The following ATAD2B variants were observed in gnomAD, a reference collection of about 807,000 sequenced individuals.
ATAD2B encodes the protein ATPase family AAA domain containing 2B.
ATAD2B carries 40 observed loss-of-function variants against 167.6 expected under a neutral mutation model. The observed-to-expected ratio is 0.24, with a 90% CI of 0.19 to 0.31. The LOEUF (loss-of-function observed/expected upper bound fraction) is 0.31. ATAD2B is among the 10% of genes least tolerant of loss of function. The pLI is 1.00. For missense variants in ATAD2B, 1,242 were observed against 1,757.2 expected (o/e 0.71, Z 5.24); for synonymous variants, 579 against 596.5 (o/e 0.97, Z 0.43).
At chr2:23,858,622 T>C (rs1326177854) in intron 12 of ATAD2B, among the ~76,000 whole-genome samples, 1 of 151,732 alleles carries the variant, frequency 6.6e-6, no homozygotes, top group East Asian at 1.9e-4. Flanking sequence ...TACCTGGGAC[T>C]ACAGGCAGGG....
intron 26 of ATAD2B, among the ~76,000 whole-genome samples, 167 bp downstream of exon 26, chr2:23,754,480 C>G (rs1300975560): frequency 2.0e-5 from 3 of 152,102 alleles, no homozygotes; most frequent in Non-Finnish European, 4.4e-5. Flanking sequence ...GGACTACTCC[C>G]GTATCTTTCA....
intron 1 of ATAD2B, among the ~76,000 whole-genome samples, chr2:23,909,730 A>G (rs1304680748): frequency 1.3e-5 from 2 of 152,112 alleles, no homozygotes; most frequent in Non-Finnish European, 2.9e-5. Context: ...TGAAATATTT[A>G]TTTCATCATA....
chr2:23,883,456 CATT>C, intron 6 of ATAD2B: 1 of 248,328 alleles, frequency 4.0e-6, no homozygotes, highest in Non-Finnish European at 8.0e-6. Context: ...ATATCCAAAA[CATT>C]ACTTTTTGAA....
rs1166937405 is a variant in ATAD2B, at chr2:23,798,273, G to A, written c.2505C>T (p.His835=). The A allele has an allele frequency of 1.2e-6, 2 of 1,613,038 alleles. No homozygotes were observed. Among genetic ancestry groups the A allele is most frequent in the South Asian group, 1.1e-5 (1 of 90,988 alleles). ...TGACAGCTTCCCACCAATCCCCAAT[G>A]TGAGGCATGTAAACAATACTAGGTA... is the stretch of plus-strand genomic sequence containing the variant. ...RTVPSIVYMP[H]IGDWWEAVSE... Residue 835 remains histidine, a synonymous_variant, in exon 19 of 28, where the codon CAC becomes CAT. Coordinates refer to ENST00000238789, the MANE Select transcript of ATAD2B (RefSeq NM_017552.4).
At chr2:23,687,804 G>A in the ATAD2B span, among the ~76,000 whole-genome samples, 3 of 152,182 alleles carry the variant, frequency 2.0e-5, no homozygotes, top group African/African-American at 7.2e-5. Flanking sequence ...TGCAGGGCCG[G>A]GTATGAGGGT....
the ATAD2B span, among the ~76,000 whole-genome samples, chr2:23,729,012 G>A: frequency 6.6e-6 from 1 of 152,146 alleles, no homozygotes; most frequent in African/African-American, 2.4e-5. Flanking sequence ...GGCAGGAGCA[G>A]GAGGAAGAGA....
intron 18 of ATAD2B, among the ~76,000 whole-genome samples, chr2:23,808,652 G>GT (rs1417341129): frequency 1.3e-5 from 2 of 152,080 alleles, no homozygotes; most frequent in Non-Finnish European, 2.9e-5. Flanking sequence ...AGTTGACACT[G>GT]TAAGTTTTCC....
intron 13 of ATAD2B, among the ~76,000 whole-genome samples, chr2:23,835,110 G>C (rs1689714594): frequency 6.6e-6 from 1 of 152,136 alleles, no homozygotes; most frequent in African/African-American, 2.4e-5. Flanking sequence ...TGATGGGTGG[G>C]AATGTAAAAT....
chr2:23,816,558 G>T (rs1686484132), intron 17 of ATAD2B, among the ~76,000 whole-genome samples: 1 of 152,160 alleles, frequency 6.6e-6, no homozygotes. Flanking sequence ...ATATAATCCA[G>T]ATAATGTATG....
chr2:23,890,164 G>T (rs1196234867), intron 2 of ATAD2B, among the ~76,000 whole-genome samples: 1 of 151,966 alleles, frequency 6.6e-6, no homozygotes, highest in African/African-American at 2.4e-5. Flanking sequence ...ACAGTGAGCC[G>T]AGATCGCGCC....
chr2:23,911,606 CGGGGAG>C (rs1248061572), intron 1 of ATAD2B, among the ~76,000 whole-genome samples: 2 of 111,706 alleles, frequency 1.8e-5, no homozygotes, highest in South Asian at 3.3e-4. Flanking sequence ...AGGAAGGGGA[CGGGGAG>C]GGGGAGGGGG....
Position 23,788,566 on chromosome 2 carries a change from GA to G in ATAD2B, c.2721del (p.Gln908LysfsTer3), listed in dbSNP as rs1681169490. 6.2e-7 allele frequency: 1 copy of G among 1,612,788 alleles called. No homozygotes were observed. On this transcript the variant is annotated frameshift_variant, in exon 20 of 28. Coordinates refer to ENST00000238789, the MANE Select transcript of ATAD2B (RefSeq NM_017552.4). LOFTEE classifies it high-confidence loss of function. ...RPIEEDRRKFFQELILNQASM... is the reference protein window; with the variant it reads ...RPIEEDRRKFXQELILNQASM... The stretch of plus-strand genomic sequence containing the variant: ...GATGCCTGATTGAGAATCAATTCTT[GA>G]AAAAATTTTCTTCTGTCTTCTTCAA...
the ATAD2B span, among the ~76,000 whole-genome samples, chr2:23,716,928 G>C: frequency 6.6e-6 from 1 of 152,088 alleles, no homozygotes; most frequent in Non-Finnish European, 1.5e-5. Flanking sequence ...TCTCTCCTGT[G>C]AGTTTCCTAC....
chr2:23,692,797 T>C, the ATAD2B span, among the ~76,000 whole-genome samples: 8 of 151,194 alleles, frequency 5.3e-5, no homozygotes, highest in Admixed American at 1.3e-4. Flanking sequence ...GCGAGCCAGA[T>C]TGAGTGGGGC....
chr2:23,679,572 G>T, the ATAD2B span, among the ~76,000 whole-genome samples: 1 of 144,440 alleles, frequency 6.9e-6, no homozygotes. Flanking sequence ...ACCTCTTGAC[G>T]GGGGAAGCTA....
intron 13 of ATAD2B, among the ~76,000 whole-genome samples, chr2:23,844,736 T>C (rs1265601049): frequency 2.6e-5 from 4 of 152,014 alleles, no homozygotes; most frequent in East Asian, 3.9e-4. Context: ...CGGCAAACTA[T>C]GGGACAACAT....
At chr2:23,865,620 G>A (rs1187384621) in intron 10 of ATAD2B, among the ~76,000 whole-genome samples, 1 of 151,976 alleles carries the variant, frequency 6.6e-6, no homozygotes, top group African/African-American at 2.4e-5. Context: ...TCCTCACAGA[G>A]GCAAAAATTG....
At chr2:23,805,898 T>C (rs545556170) in intron 18 of ATAD2B, among the ~76,000 whole-genome samples, 127 of 151,938 alleles carry the variant, frequency 8.4e-4, no homozygotes, top group African/African-American at 2.9e-3. Context: ...ATAAATAGCA[T>C]GTTTCTATTT....
At chr2:23,800,820 A>T (rs1002695306) in intron 18 of ATAD2B, among the ~76,000 whole-genome samples, 3 of 138,008 alleles carry the variant, frequency 2.2e-5, no homozygotes, top group Admixed American at 7.2e-5. Flanking sequence ...CTTCTTGATT[A>T]AAAAAAAAAT....
Sources: gnomAD v4.1 joint callset for allele counts (sites outside exome capture counted in the v4.1 genomes callset) on GRCh38, gnomAD v4.1.1 for gene constraint, MANE v1.5 for transcripts, NCBI Gene and HGNC (gene_info 2026-07-23, HGNC 2026-07-21) for gene names.